The following GUCA1C variants were observed in gnomAD, a reference collection of about 807,000 sequenced individuals.
The protein encoded by GUCA1C is guanylyl cyclase-activating protein 3.
Under a neutral mutation model 16.2 loss-of-function variants are expected in GUCA1C, and 15 were observed. The ratio of observed to expected loss-of-function variants is 0.93; its 90% CI spans 0.62 to 1.43. The LOEUF (loss-of-function observed/expected upper bound fraction) is 1.43, where lower values mean the gene tolerates loss of function less well. Ranked by LOEUF, GUCA1C falls within the 40% of genes most tolerant of loss-of-function variation. The probability of loss-of-function intolerance (pLI) is 0.00; values close to 1 mark genes in which losing one functional copy is unlikely to be tolerated. For missense variants in GUCA1C, 275 were observed against 244.8 expected, an observed-to-expected ratio of 1.12 and a Z score of -0.82; for synonymous variants, 78 against 85.4, an observed-to-expected ratio of 0.91 and a Z score of 0.48.
chr3:108,917,290 G>A (rs1946527591), intron 2 of GUCA1C, among the ~76,000 whole-genome samples: 1 of 152,098 alleles, frequency 6.6e-6, no homozygotes, highest in Non-Finnish European at 1.5e-5. Flanking sequence ...CACATAAAAA[G>A]TCATGATAAA....
chr3:108,945,981 C>G (rs1254987441), intron 1 of GUCA1C, among the ~76,000 whole-genome samples: 1 of 152,102 alleles, frequency 6.6e-6, no homozygotes, highest in Non-Finnish European at 1.5e-5. Flanking sequence ...GGCCACCGCG[C>G]GAGTATTTAC....
chr3:108,913,793 C>A (rs1049429760), intron 3 of GUCA1C, among the ~76,000 whole-genome samples: 2 of 151,990 alleles, frequency 1.3e-5, no homozygotes, highest in Non-Finnish European at 2.9e-5. Flanking sequence ...TGGGGCTGGG[C>A]ACGGTGGCTC....
Position 108,911,268 on chromosome 3 carries a change from C to T in GUCA1C, c.443-3059G>A, listed in dbSNP as rs189791746. Among the ~76,000 whole-genome samples, 246 of 152,228 alleles carry T rather than the reference C, an allele frequency of 1.6e-3. 1 individual carries two copies. Among genetic ancestry groups the T allele is most frequent in the Non-Finnish European group, 1.4e-3 (92 of 68,008 alleles). ...TTACATCTTAAATAATCTTTTATAA[C>T]AAAACAAAACATTCTCCTTCACCCC... On this transcript the variant is annotated intron_variant, in intron 3 of 3. Coordinates refer to ENST00000261047, the MANE Select transcript of GUCA1C (RefSeq NM_005459.4).
At chr3:108,942,153 G>A (rs557619559) in intron 1 of GUCA1C, among the ~76,000 whole-genome samples, 25 of 152,220 alleles carry the variant, frequency 1.6e-4, no homozygotes, top group African/African-American at 5.8e-4. Flanking sequence ...GTGTAAATGC[G>A]GATGAGAAAA....
intron 3 of GUCA1C, 54 bp from the exon 4 acceptor site, chr3:108,908,263 C>A (rs561175720): frequency 4.8e-6 from 5 of 1,038,814 alleles, no homozygotes; most frequent in Admixed American, 3.7e-5. Flanking sequence ...CTCACTGGCA[C>A]AAATGATATA....
chr3:108,920,295 A>G (rs1946556716), intron 2 of GUCA1C, 141 bp downstream of exon 2: 2 of 657,544 alleles, frequency 3.0e-6, no homozygotes. Context: ...TAGGTTAAGT[A>G]AAGCTTATAT....
intron 3 of GUCA1C, among the ~76,000 whole-genome samples, chr3:108,913,270 T>C (rs1347771325): frequency 6.6e-6 from 1 of 151,696 alleles, no homozygotes; most frequent in African/African-American, 2.4e-5. Flanking sequence ...GTCAACAGCA[T>C]TTTGGTATAC....
At chr3:108,925,919 T>C (rs1946619159) in intron 1 of GUCA1C, among the ~76,000 whole-genome samples, 1 of 152,228 alleles carries the variant, frequency 6.6e-6, no homozygotes, top group Non-Finnish European at 1.5e-5. Flanking sequence ...AAACCCTGTC[T>C]CTACTAAAAA....
At chr3:108,932,336 A>C (rs1442854838) in intron 1 of GUCA1C, among the ~76,000 whole-genome samples, 6 of 112,518 alleles carry the variant, frequency 5.3e-5, no homozygotes, top group Admixed American at 1.7e-4. Context: ...AAAAAAAAAA[A>C]AAACAAAAAA....
At chr3:108,925,946 G>A (rs545396404) in intron 1 of GUCA1C, among the ~76,000 whole-genome samples, 1 of 152,122 alleles carries the variant, frequency 6.6e-6, no homozygotes, top group Non-Finnish European at 1.5e-5. Context: ...AATTAGCCAG[G>A]CATGGTGGCA....
chr3:108,907,798 G>A lies in GUCA1C; in HGVS notation c.*224C>T. ...ATAGGTATGGAGACAATCCTTTAGT[G>A]TAATCATTATGTTTTAATCTGCAGA... On this transcript the variant is annotated 3_prime_UTR_variant, in exon 4 of 4. Coordinates refer to ENST00000261047, the MANE Select transcript of GUCA1C (RefSeq NM_005459.4). The A allele has an allele frequency of 4.1e-6, 2 of 490,952 alleles. No homozygotes were observed. The highest frequency in any genetic ancestry group is 3.5e-5 in the South Asian group (1 of 28,494). 30.4% of individuals were successfully genotyped at this position (490,952 alleles called of 1,614,324 possible). A position where few individuals can be genotyped will look rare whatever the true frequency, so the allele number is the denominator to read the frequency against.
intron 1 of GUCA1C, among the ~76,000 whole-genome samples, chr3:108,943,789 C>T (rs906969352): frequency 3.9e-5 from 6 of 152,134 alleles, no homozygotes; most frequent in African/African-American, 1.4e-4. Context: ...TCACTTTTCC[C>T]CACAAGTCCC....
At chr3:108,924,582 G>T (rs374482685) in intron 1 of GUCA1C, among the ~76,000 whole-genome samples, 1 of 152,078 alleles carries the variant, frequency 6.6e-6, no homozygotes, top group East Asian at 1.9e-4. Flanking sequence ...GTTCATCAGG[G>T]TTATTGGTCT....
chr3:108,948,442 T>G (rs1946864894), intron 1 of GUCA1C, among the ~76,000 whole-genome samples: 1 of 152,210 alleles, frequency 6.6e-6, no homozygotes, highest in Non-Finnish European at 1.5e-5. Context: ...AAACCTCTTT[T>G]CTTTATAAAT....
chr3:108,942,993 C>T (rs1946802859), intron 1 of GUCA1C, among the ~76,000 whole-genome samples: 1 of 152,200 alleles, frequency 6.6e-6, no homozygotes, highest in Admixed American at 6.5e-5. Context: ...AGAGATAGGT[C>T]ACTGTAGCAG....
At chr3:108,946,347 G>C (rs1287188023) in intron 1 of GUCA1C, among the ~76,000 whole-genome samples, 1 of 152,048 alleles carries the variant, frequency 6.6e-6, no homozygotes, top group Non-Finnish European at 1.5e-5. Flanking sequence ...GCCCATGCTG[G>C]TCTCGAACTC....
At position 108,931,864 on chromosome 3, in the gene GUCA1C, TC is replaced by T. The variant is rs767456137; in HGVS notation, c.205-11280del. ...CAAGGGAACAGTTTTTTTTCTTCCT[TC>T]TTTTTTTTTTTTTTTTTTTTTGAGA... On this transcript the variant is annotated intron_variant, in intron 1 of 3. Coordinates refer to ENST00000261047, the MANE Select transcript of GUCA1C (RefSeq NM_005459.4). 1.6e-3 allele frequency among the ~76,000 whole-genome samples: 118 copies of T among 72,556 alleles called. 13 individuals carry two copies. Among genetic ancestry groups the T allele is most frequent in the African/African-American group, 3.0e-3 (65 of 21,336 alleles). The allele number at this position is 72,556 out of a possible 152,430, so 47.6% of individuals were successfully genotyped here.
intron 1 of GUCA1C, among the ~76,000 whole-genome samples, chr3:108,922,182 CACACACACACACACACACACAT>C (rs750506108): frequency 0.23 from 29,787 of 129,486 alleles, 3,049 homozygotes; most frequent in Middle Eastern, 0.3. Flanking sequence ...CACACACACA[CACACACACACACACACACACAT>C]ATATATATGG....
At chr3:108,935,649 T>C (rs1248180624) in intron 1 of GUCA1C, among the ~76,000 whole-genome samples, 3 of 152,044 alleles carry the variant, frequency 2.0e-5, no homozygotes, top group Non-Finnish European at 2.9e-5. Flanking sequence ...TGAGCCAAGA[T>C]TGCGCCACTG....
Sources: gnomAD v4.1 joint callset for allele counts (sites outside exome capture counted in the v4.1 genomes callset) on GRCh38, gnomAD v4.1.1 for gene constraint, MANE v1.5 for transcripts, NCBI Gene and HGNC (gene_info 2026-07-23, HGNC 2026-07-21) for gene names.